Variants in SYNPO2 observed in about 807,000 individuals in gnomAD.
SYNPO2 encodes synaptopodin 2.
A neutral mutation model predicts 85.0 loss-of-function variants in SYNPO2; 56 were observed. That is an observed-to-expected ratio of 0.66 (90% CI 0.53 to 0.82). The LOEUF (loss-of-function observed/expected upper bound fraction) is 0.82. Among genes scored for constraint, SYNPO2 ranks in the 40% least tolerant of loss-of-function variants. The probability of loss-of-function intolerance (pLI) is 0.00; values close to 1 mark genes in which losing one functional copy is unlikely to be tolerated. For synonymous variants in SYNPO2, 602 were observed against 591.1 expected, an observed-to-expected ratio of 1.02 and a Z score of -0.27; for missense variants, 1,575 against 1,534.2, an observed-to-expected ratio of 1.03 and a Z score of -0.44.
chr4:118,878,832 C>T (rs1473128949), intron 1 of SYNPO2, among the ~76,000 whole-genome samples: 1 of 152,222 alleles, frequency 6.6e-6, no homozygotes, highest in Non-Finnish European at 1.5e-5. Context: ...GGAATAAAAG[C>T]TGGCCACCCC....
chr4:119,000,424 A>G (rs1480671695), intron 1 of SYNPO2, among the ~76,000 whole-genome samples: 1 of 152,190 alleles, frequency 6.6e-6, no homozygotes, highest in African/African-American at 2.4e-5. Flanking sequence ...GATATGTCCA[A>G]GCTGAGGAAG....
chr4:118,899,696 C>A (rs559960321), intron 1 of SYNPO2, among the ~76,000 whole-genome samples: 1 of 152,268 alleles, frequency 6.6e-6, no homozygotes, highest in Admixed American at 6.5e-5. Context: ...TTTGTTCTTA[C>A]AAACTAATTG....
intron 1 of SYNPO2, among the ~76,000 whole-genome samples, chr4:118,946,628 T>A (rs887721413): frequency 3.9e-5 from 6 of 152,244 alleles, no homozygotes; most frequent in Non-Finnish European, 8.8e-5. Flanking sequence ...CAGTAACTGA[T>A]GATCCCTTTT....
At chr4:119,029,786 G>A in intron 3 of SYNPO2, 59 bp from the exon 4 acceptor site, 3 of 1,479,244 alleles carry the variant, frequency 2.0e-6, no homozygotes, top group Non-Finnish European at 2.7e-6. Flanking sequence ...CTGAGTTGCT[G>A]TGGTGTCTTC....
At chr4:119,055,841 C>T (rs1307172943) in intron 4 of SYNPO2, among the ~76,000 whole-genome samples, 3 of 152,062 alleles carry the variant, frequency 2.0e-5, no homozygotes, top group Non-Finnish European at 4.4e-5. Context: ...TTATATTGGA[C>T]CCCTTATTCT....
At chr4:118,986,941 A>G (rs1301536065) in intron 1 of SYNPO2, among the ~76,000 whole-genome samples, 1 of 152,228 alleles carries the variant, frequency 6.6e-6, no homozygotes, top group African/African-American at 2.4e-5. Context: ...AGAAAATTCT[A>G]GTGGATCACC....
At chr4:119,032,221 C>A (rs774497833) in intron 4 of SYNPO2, 194 bp downstream of exon 4, 1 of 1,434,060 alleles carries the variant, frequency 7.0e-7, no homozygotes, top group Non-Finnish European at 9.1e-7. Context: ...AGTCAAAAAT[C>A]CAACTCAGAT....
rs200502497 is a variant in SYNPO2, at chr4:119,025,875, CAAAA to C, written c.258-751_258-748del. Among the ~76,000 whole-genome samples, 820 of 152,164 alleles carry C rather than the reference CAAAA, an allele frequency of 5.4e-3. 7 individuals are homozygous for C. The highest frequency in any genetic ancestry group is 0.031 in the East Asian group (161 of 5,164). On this transcript the variant is annotated intron_variant, in intron 2 of 4. Coordinates refer to ENST00000307142, the MANE Select transcript of SYNPO2 (RefSeq NM_133477.3). ...AATTTGCACAGACAACTGGGAAGAT[CAAAA>C]TCAAAGAGCTGTGGTGTACAGCTCT...
At chr4:118,924,325 T>G (rs571039762) in intron 1 of SYNPO2, among the ~76,000 whole-genome samples, 1 of 152,208 alleles carries the variant, frequency 6.6e-6, no homozygotes, top group Non-Finnish European at 1.5e-5. Flanking sequence ...CAGTATATTT[T>G]AAATGCAAAA....
chr4:119,027,464 G>A lies in SYNPO2; in HGVS notation c.1069+26G>A, dbSNP rs141935073. On this transcript the variant is annotated intron_variant, in intron 3 of 4. Transcript: ENST00000307142. Reference sequence around the variant, plus strand: ...GTAAGTTCTGCCTGGGCTTTCAGAAGGGGCTTGGGAGTTGGGGGCATTTTG... The same window carrying A: ...GTAAGTTCTGCCTGGGCTTTCAGAAAGGGCTTGGGAGTTGGGGGCATTTTG... 477 of 1,536,978 alleles carry A rather than the reference G, an allele frequency of 3.1e-4. 3 individuals are homozygous for A. In the African/African-American group the frequency reaches 5.7e-3, roughly 18 times the overall value.
chr4:118,940,230 C>T (rs1038760068), intron 1 of SYNPO2, among the ~76,000 whole-genome samples: 15 of 151,802 alleles, frequency 9.9e-5, no homozygotes, highest in Admixed American at 9.8e-4. Context: ...ATGATCCGTC[C>T]GTCTCATGAT....
At chr4:118,952,832 G>A (rs917442391) in intron 1 of SYNPO2, among the ~76,000 whole-genome samples, 1 of 152,034 alleles carries the variant, frequency 6.6e-6, no homozygotes, top group Non-Finnish European at 1.5e-5. Context: ...CAGTGTGCTG[G>A]TGCTTTACAA....
At chr4:118,863,036 C>A (rs929508818) in intron 1 of SYNPO2, among the ~76,000 whole-genome samples, 4 of 152,176 alleles carry the variant, frequency 2.6e-5, no homozygotes, top group Non-Finnish European at 4.4e-5. Context: ...CTCTGGAACT[C>A]CTGACCTCGT....
intron 1 of SYNPO2, among the ~76,000 whole-genome samples, chr4:118,876,422 T>C (rs1371013416): frequency 6.6e-6 from 1 of 152,200 alleles, no homozygotes; most frequent in African/African-American, 2.4e-5. Flanking sequence ...CCTGCTTTAT[T>C]TCTTTGTTAA....
rs1415949110 is a variant in SYNPO2, at chr4:118,855,708, T to C, written c.12+4768T>C. ...AATGTCAGTGACATGATATTAGAGA[T>C]GTTTATGACTAAGAAACTGATTGAA... On this transcript the variant is annotated intron_variant, in intron 1 of 4. Coordinates refer to the SYNPO2 transcript ENST00000610556. Among the ~76,000 whole-genome samples, 3 of 152,178 alleles carry C rather than the reference T, an allele frequency of 2.0e-5. No individual in the cohort carries two copies. The South Asian group carries it at 6.2e-4, about 31-fold the overall frequency.
chr4:118,892,846 G>A (rs2149114660), intron 1 of SYNPO2, among the ~76,000 whole-genome samples: 1 of 152,026 alleles, frequency 6.6e-6, no homozygotes, highest in African/African-American at 2.4e-5. Flanking sequence ...ATTTCATAAG[G>A]CCAAAATGAA....
At position 119,031,431 on chromosome 4, in the gene SYNPO2, T is replaced by C. The variant is rs1295382815; in HGVS notation, c.2656T>C (p.Tyr886His). Residue 886 changes from tyrosine to histidine, a missense_variant, in exon 4 of 5, where the codon TAT (tyrosine) becomes CAT (histidine). Around this residue, in one of 3 missense-constraint regions of SYNPO2, gnomAD observed 1,508 missense variants for 1,446.8 expected, o/e 1.04. Transcript: ENST00000307142. The stretch of plus-strand genomic sequence containing the variant: ...TAAAAGGCAGTCGAGAATGGAGAAG[T>C]ATGTGGTCGATTCAGACACGGTGCA... ...FAKRQSRMEKYVVDSDTVQAH... is the reference protein window; with the variant it reads ...FAKRQSRMEKHVVDSDTVQAH... The C allele has an allele frequency of 5.0e-6, 8 of 1,613,978 alleles. No individual in the cohort carries two copies. The East Asian group carries it at 1.8e-4, about 36-fold the overall frequency.
intron 1 of SYNPO2, among the ~76,000 whole-genome samples, chr4:118,963,353 G>T (rs979290510): frequency 6.6e-6 from 1 of 152,210 alleles, no homozygotes; most frequent in Non-Finnish European, 1.5e-5. Flanking sequence ...ACCAGACTAA[G>T]AAATAATTTT....
chr4:119,016,198 C>T (rs1454123454), intron 1 of SYNPO2, among the ~76,000 whole-genome samples: 1 of 151,918 alleles, frequency 6.6e-6, no homozygotes, highest in South Asian at 2.1e-4. Flanking sequence ...GTTGTATGTC[C>T]AGTATACGAG....
Sources: gnomAD v4.1 joint callset for allele counts (sites outside exome capture counted in the v4.1 genomes callset) on GRCh38, gnomAD v4.1.1 for gene constraint, gnomAD v4.1.1 regional missense constraint, MANE v1.5 for transcripts, NCBI Gene and HGNC (gene_info 2026-07-23, HGNC 2026-07-21) for gene names.